The following IFT52 variants were observed in gnomAD, a reference collection of about 807,000 sequenced individuals.
IFT52 encodes the protein intraflagellar transport protein 52 homolog.
A neutral mutation model predicts 54.4 loss-of-function variants in IFT52; 44 were observed. The observed-to-expected ratio is 0.81, with a 90% CI of 0.63 to 1.04. The LOEUF is 1.04. Ranked by LOEUF, IFT52 falls within the 50% of genes least tolerant of loss-of-function variation. IFT52 has a pLI of 0.00. For missense variants in IFT52, 452 were observed against 523.6 expected, an observed-to-expected ratio of 0.86 and a Z score of 1.33; for synonymous variants, 181 against 185.3, an observed-to-expected ratio of 0.98 and a Z score of 0.19.
chr20:43,636,146 A>G (rs1985527115), intron 11 of IFT52, 133 bp downstream of exon 11: 2 of 763,182 alleles, frequency 2.6e-6, no homozygotes, highest in Admixed American at 2.4e-5. Context: ...CTCTGTCTCT[A>G]AACATGCATG....
intron 3 of IFT52, among the ~76,000 whole-genome samples, chr20:43,601,208 G>A (rs960892060): frequency 6.6e-6 from 1 of 151,754 alleles, no homozygotes; most frequent in African/African-American, 2.4e-5. Context: ...TAATATTATG[G>A]TGATCCAGAA....
At chr20:43,638,289 C>A (rs80015573) in intron 12 of IFT52, among the ~76,000 whole-genome samples, 1 of 151,948 alleles carries the variant, frequency 6.6e-6, no homozygotes, top group Non-Finnish European at 1.5e-5. Flanking sequence ...CTCCTGAGTT[C>A]AAGCGATTCT....
intron 6 of IFT52, among the ~76,000 whole-genome samples, chr20:43,607,783 G>A (rs942655069): frequency 6.6e-6 from 1 of 152,110 alleles, no homozygotes; most frequent in Non-Finnish European, 1.5e-5. Flanking sequence ...CACTTTGGGA[G>A]GCCAAGACAG....
At chr20:43,623,085 G>C (rs1207320765) in intron 9 of IFT52, among the ~76,000 whole-genome samples, 1 of 152,032 alleles carries the variant, frequency 6.6e-6, no homozygotes, top group Non-Finnish European at 1.5e-5. Context: ...TAGGGGGTGG[G>C]CACATGTTAT....
chr20:43,600,089 T>G (rs771524402), intron 3 of IFT52, among the ~76,000 whole-genome samples: 3 of 152,218 alleles, frequency 2.0e-5, no homozygotes, highest in Non-Finnish European at 4.4e-5. Flanking sequence ...TATACATATT[T>G]CAGTTTGTTA....
chr20:43,640,050 G>T (rs1038620617), intron 12 of IFT52, among the ~76,000 whole-genome samples: 2 of 152,046 alleles, frequency 1.3e-5, no homozygotes, highest in African/African-American at 4.8e-5. Flanking sequence ...TGTAGTACCA[G>T]CTACTCAGGA....
At position 43,606,591 on chromosome 20, in the gene IFT52, AT is replaced by A. The variant is rs537062886; in HGVS notation, c.485+1531del. Among the ~76,000 whole-genome samples the A allele has an allele frequency of 4.3e-3, 627 of 144,618 alleles. 1 individual carries two copies. The highest frequency in any genetic ancestry group is 6.1e-3 in the African/African-American group (243 of 39,724). 94.9% of individuals were successfully genotyped at this position (144,618 alleles called of 152,430 possible). On this transcript the variant is annotated intron_variant, in intron 6 of 13. Transcript: ENST00000373030. ...TACAGTTTTGTGCACTTGTGGTAGT[AT>A]TTTTTTTTTTTTAATTGATCATTCT...
At position 43,594,836 on chromosome 20, in the gene IFT52, T is replaced by C. The variant is rs1981810504; in HGVS notation, c.119+19T>C. Reference sequence around the variant, plus strand: ...TTCAGAGGTGACTGACCATGTATATTGTTTTCCCTTCTAAATGATATTGTC... The same window carrying C: ...TTCAGAGGTGACTGACCATGTATATCGTTTTCCCTTCTAAATGATATTGTC... On this transcript the variant is annotated intron_variant, in intron 2 of 13. Coordinates refer to ENST00000373030, the MANE Select transcript of IFT52 (RefSeq NM_016004.5). 1 of 1,202,308 alleles carries C rather than the reference T, an allele frequency of 8.3e-7. No homozygotes were observed. The highest frequency in any genetic ancestry group is 1.2e-6 in the Non-Finnish European group (1 of 805,242). The allele number at this position is 1,202,308 out of a possible 1,614,324, so 74.5% of individuals were successfully genotyped here.
chr20:43,593,162 G>T (rs1229086573), intron 1 of IFT52, among the ~76,000 whole-genome samples: 1 of 152,092 alleles, frequency 6.6e-6, no homozygotes, highest in Non-Finnish European at 1.5e-5. Context: ...ATGATCAAGA[G>T]TACCTGGACA....
intron 1 of IFT52, among the ~76,000 whole-genome samples, chr20:43,591,874 AAAAT>A (rs1423176832): frequency 2.0e-5 from 3 of 152,288 alleles, no homozygotes; most frequent in South Asian, 2.1e-4. Flanking sequence ...CCTGTCTCTG[AAAAT>A]AAATAAATTA....
At chr20:43,603,672 A>G (rs1414638411) in intron 3 of IFT52, 88 bp from the exon 4 acceptor site, 12 of 1,196,782 alleles carry the variant, frequency 1.0e-5, no homozygotes, top group Middle Eastern at 2.1e-4. Context: ...TGAAATATGT[A>G]TTTTTCATCT....
At chr20:43,607,948 C>A (rs1209029341) in intron 6 of IFT52, among the ~76,000 whole-genome samples, 1 of 152,194 alleles carries the variant, frequency 6.6e-6, no homozygotes. Context: ...AGCTGGAGAC[C>A]AGCCCAGCCA....
rs75175234 is a variant in IFT52, at chr20:43,633,927, G to A, written c.924-1999G>A. Among the ~76,000 whole-genome samples the A allele has an allele frequency of 7.4e-3, 1,118 of 152,020 alleles. 15 individuals carry two copies. The highest frequency in any genetic ancestry group is 0.025 in the African/African-American group (1,032 of 41,462). On this transcript the variant is annotated intron_variant, in intron 10 of 13. Coordinates refer to ENST00000373030, the MANE Select transcript of IFT52 (RefSeq NM_016004.5). ...GCATGTAATCCCATCACTTTGGGAAGCTGAAACAGGAGGACCTCTTGAGGC... is the reference window on the plus strand; with the variant it reads ...GCATGTAATCCCATCACTTTGGGAAACTGAAACAGGAGGACCTCTTGAGGC...
At chr20:43,594,406 C>T (rs1981767145) in intron 1 of IFT52, among the ~76,000 whole-genome samples, 1 of 152,066 alleles carries the variant, frequency 6.6e-6, no homozygotes, top group African/African-American at 2.4e-5. Flanking sequence ...GACACAAGAG[C>T]AGGGTGATGG....
Position 43,635,909 on chromosome 20 carries a change from TTTGA to T in IFT52, c.924-14_924-11del, listed in dbSNP as rs1233557047. 7 of 1,612,578 alleles carry T rather than the reference TTTGA, an allele frequency of 4.3e-6. No homozygotes were observed. Among genetic ancestry groups the T allele is most frequent in the Non-Finnish European group, 5.9e-6 (7 of 1,178,760 alleles). ...TAGTGTCTTGATCCCTGCTTTTTTG[TTTGA>T]TTATGAACACAGGGCTCACGAGCAG... On this transcript the variant is annotated splice_polypyrimidine_tract_variant and intron_variant, in intron 10 of 13. Transcript: ENST00000373030.
intron 6 of IFT52, among the ~76,000 whole-genome samples, chr20:43,611,886 C>T (rs1231788201): frequency 5.3e-5 from 8 of 151,212 alleles, no homozygotes; most frequent in South Asian, 2.1e-4. Context: ...AAAAAGTAGC[C>T]GGGCGTGGTG....
intron 6 of IFT52, among the ~76,000 whole-genome samples, chr20:43,606,332 G>A (rs1982882433): frequency 6.9e-6 from 1 of 144,952 alleles, no homozygotes; most frequent in Non-Finnish European, 1.5e-5. Flanking sequence ...GGAGTGCAGT[G>A]GCATGATCTC....
rs1317863022 is a variant in IFT52, at chr20:43,611,394, T to G, written c.486-2456T>G. ...TCACATGGTTTGGAAAGTTCTGTTTTGGGGATGGGTGTTTAAGTTTATACT... is the reference window on the plus strand; with the variant it reads ...TCACATGGTTTGGAAAGTTCTGTTTGGGGGATGGGTGTTTAAGTTTATACT... On this transcript the variant is annotated intron_variant, in intron 6 of 13. Transcript: ENST00000373030. Among the ~76,000 whole-genome samples the G allele has an allele frequency of 4.6e-5, 7 of 152,056 alleles. No individual in the cohort carries two copies. In the East Asian group the frequency reaches 1.4e-3, roughly 29 times the overall value.
At chr20:43,646,087 TG>T (rs768910701) in intron 13 of IFT52, among the ~76,000 whole-genome samples, 72 of 151,528 alleles carry the variant, frequency 4.8e-4, no homozygotes, top group Non-Finnish European at 9.4e-4. Flanking sequence ...GGCGGGCACC[TG>T]TAGTCCCAGC....
Sources: allele counts gnomAD v4.1 joint callset (sites outside exome capture counted in the v4.1 genomes callset), GRCh38; gene constraint gnomAD v4.1.1; transcripts MANE v1.5; gene names NCBI Gene and HGNC (gene_info 2026-07-23, HGNC 2026-07-21).